Variants in RAB11FIP4 observed in about 807,000 individuals in gnomAD.
The protein encoded by RAB11FIP4 is rab11 family-interacting protein 4.
In RAB11FIP4, 23 loss-of-function variants were observed where a neutral mutation model predicts 74.3. That is an observed-to-expected ratio of 0.31 (90% CI 0.22 to 0.44). The LOEUF (loss-of-function observed/expected upper bound fraction) is 0.44. Among genes scored for constraint, RAB11FIP4 ranks in the 20% least tolerant of loss-of-function variants. RAB11FIP4 has a pLI of 1.00. For missense variants in RAB11FIP4, 630 were observed against 863.9 expected, an observed-to-expected ratio of 0.73 and a Z score of 3.39; for synonymous variants, 360 against 359.9, an observed-to-expected ratio of 1.00 and a Z score of 0.00.
At chr17:31,490,993 G>A (rs938830307) in intron 3 of RAB11FIP4, among the ~76,000 whole-genome samples, 1 of 152,248 alleles carries the variant, frequency 6.6e-6, no homozygotes, top group Non-Finnish European at 1.5e-5. Flanking sequence ...CTTGACTCAG[G>A]AACTGGGCAC....
chr17:31,421,932 C>T (rs149189140), intron 1 of RAB11FIP4, among the ~76,000 whole-genome samples: 2,546 of 152,136 alleles, frequency 0.017, 70 homozygotes, highest in African/African-American at 0.058. Context: ...GTAATCCCAG[C>T]ACTTTGGGAG....
rs191986997 is a variant in RAB11FIP4, at chr17:31,402,872, G to A, written c.159+10861G>A. Among the ~76,000 whole-genome samples, 882 of 151,840 alleles carry A rather than the reference G, an allele frequency of 5.8e-3. 13 individuals are homozygous for A. The highest frequency in any genetic ancestry group is 0.019 in the African/African-American group (803 of 41,346). On this transcript the variant is annotated intron_variant, in intron 1 of 14. Coordinates refer to ENST00000621161, the MANE Select transcript of RAB11FIP4 (RefSeq NM_032932.6). ...GATCTCCTGACCTTGTGATCCACCC[G>A]CCTTGGCCTCCCAAAGTGCTGGGAT... is the stretch of plus-strand genomic sequence containing the variant.
rs2072706559 is a variant in RAB11FIP4, at chr17:31,523,492, C to T, written c.930-20C>T. 4.4e-6 allele frequency: 7 copies of T among 1,608,300 alleles called. No homozygotes were observed. Among genetic ancestry groups the T allele is most frequent in the Non-Finnish European group, 5.1e-6 (6 of 1,174,904 alleles). ...TCTGGAAGGCCCCTGCAGCCAGACA[C>T]CCTCCTCCCACCCCTGCAGGCAGCT... On this transcript the variant is annotated intron_variant, in intron 7 of 14. Coordinates refer to ENST00000621161, the MANE Select transcript of RAB11FIP4 (RefSeq NM_032932.6).
At chr17:31,412,602 A>AG (rs2071108544) in intron 1 of RAB11FIP4, among the ~76,000 whole-genome samples, 1 of 152,216 alleles carries the variant, frequency 6.6e-6, no homozygotes, top group African/African-American at 2.4e-5. Context: ...GTCCCATCAC[A>AG]GGGACCACGG....
At chr17:31,493,982 T>C (rs1371996983) in intron 3 of RAB11FIP4, among the ~76,000 whole-genome samples, 1 of 152,190 alleles carries the variant, frequency 6.6e-6, no homozygotes, top group African/African-American at 2.4e-5. Context: ...TCCACCCCCC[T>C]GCTTTGGGGT....
At chr17:31,431,347 A>G (rs2071307643) in intron 1 of RAB11FIP4, among the ~76,000 whole-genome samples, 1 of 152,240 alleles carries the variant, frequency 6.6e-6, no homozygotes, top group Admixed American at 6.5e-5. Context: ...AGGTACAAAT[A>G]GAACAGAAAA....
chr17:31,474,644 G>A (rs566521145), intron 3 of RAB11FIP4, among the ~76,000 whole-genome samples: 73 of 148,248 alleles, frequency 4.9e-4, no homozygotes, highest in Non-Finnish European at 4.7e-4. Flanking sequence ...ACTCCAGCCT[G>A]GGGGACAGAG....
chr17:31,426,578 CT>C lies in RAB11FIP4; in HGVS notation c.160-5227del, dbSNP rs967027494. ...GTTCTAATAATTTCACACCTGTTTTCTTTTTTTTCTTTTTCTTTTCCTTTTT... is the reference window on the plus strand; with the variant it reads ...GTTCTAATAATTTCACACCTGTTTTCTTTTTTTCTTTTTCTTTTCCTTTTT... On this transcript the variant is annotated intron_variant, in intron 1 of 14. Transcript: ENST00000621161. Among the ~76,000 whole-genome samples, 4 of 141,896 alleles carry C rather than the reference CT, an allele frequency of 2.8e-5. No homozygotes were observed. In the East Asian group the frequency reaches 6.2e-4, roughly 22 times the overall value. 93.1% of individuals were successfully genotyped at this position (141,896 alleles called of 152,430 possible).
chr17:31,443,102 T>A (rs1359543451), intron 3 of RAB11FIP4, among the ~76,000 whole-genome samples: 1 of 152,252 alleles, frequency 6.6e-6, no homozygotes, highest in Non-Finnish European at 1.5e-5. Context: ...TTCAGATCCT[T>A]TAAATTTGAG....
chr17:31,535,348 G>C lies in RAB11FIP4; in HGVS notation c.*3616G>C, dbSNP rs1373642990. On this transcript the variant is annotated 3_prime_UTR_variant, in exon 15 of 15. Transcript: ENST00000621161. ...TTTGGCTGTGCATTGGAATCACCTG[G>C]GGAGATTTGTAAGCTTCTGCTGTCT... The C allele has an allele frequency of 6.6e-6, 1 of 152,174 alleles. No individual in the cohort carries two copies. The highest frequency in any genetic ancestry group is 1.5e-5 in the Non-Finnish European group (1 of 68,034). 9.4% of individuals were successfully genotyped at this position (152,174 alleles called of 1,614,324 possible).
Position 31,528,352 on chromosome 17 carries a change from TAGTG to T in RAB11FIP4, c.1357-51_1357-48del, listed in dbSNP as rs368467154. On this transcript the variant is annotated intron_variant, in intron 11 of 14. Transcript: ENST00000621161. The stretch of plus-strand genomic sequence containing the variant: ...CAGACCCCAGGGACACCCCTGGACA[TAGTG>T]AGCCCCTCTCTGGGAACTCTCCTCC... The T allele has an allele frequency of 7.6e-6, 12 of 1,582,706 alleles. No homozygotes were observed. The East Asian group carries it at 2.0e-4, about 27-fold the overall frequency.
At chr17:31,463,901 C>T (rs2071658274) in intron 3 of RAB11FIP4, among the ~76,000 whole-genome samples, 1 of 145,244 alleles carries the variant, frequency 6.9e-6, no homozygotes, top group African/African-American at 2.6e-5. Context: ...GCAACCTCAG[C>T]CTCCTGGTTC....
At chr17:31,523,155 T>C in intron 7 of RAB11FIP4, 1 of 331,616 alleles carries the variant, frequency 3.0e-6, no homozygotes, top group East Asian at 6.1e-5. Flanking sequence ...GGAGCTGGGC[T>C]ACCTCCTTGG....
At chr17:31,484,703 C>G (rs1051414901) in intron 3 of RAB11FIP4, among the ~76,000 whole-genome samples, 2 of 152,114 alleles carry the variant, frequency 1.3e-5, no homozygotes, top group African/African-American at 4.8e-5. Flanking sequence ...AGTCAGGGTC[C>G]TAAATTTTCC....
chr17:31,455,619 C>T (rs1373917657), intron 3 of RAB11FIP4, among the ~76,000 whole-genome samples: 1 of 129,690 alleles, frequency 7.7e-6, no homozygotes, highest in Admixed American at 8.0e-5. Flanking sequence ...CAAACTAGGT[C>T]TCCTTTGACC....
intron 1 of RAB11FIP4, among the ~76,000 whole-genome samples, chr17:31,418,533 A>G (rs2071169731): frequency 7.1e-6 from 1 of 141,186 alleles, no homozygotes; most frequent in East Asian, 2.1e-4. Context: ...GCACAATCAC[A>G]GTTCACTGCA....
At chr17:31,397,850 C>A (rs1349396305) in intron 1 of RAB11FIP4, among the ~76,000 whole-genome samples, 3 of 151,364 alleles carry the variant, frequency 2.0e-5, no homozygotes, top group Non-Finnish European at 4.4e-5. Context: ...TGGGACTCAT[C>A]CATCTTATCA....
chr17:31,454,377 G>A (rs1413730452), intron 3 of RAB11FIP4, among the ~76,000 whole-genome samples: 10 of 152,104 alleles, frequency 6.6e-5, no homozygotes, highest in South Asian at 2.1e-4. Flanking sequence ...GGGTTCAAGC[G>A]ATTCTCCTGC....
At chr17:31,431,725 T>TCCCA in intron 1 of RAB11FIP4, 88 bp from the exon 2 acceptor site, 1 of 520,776 alleles carries the variant, frequency 1.9e-6, no homozygotes, top group Non-Finnish European at 3.9e-6. Flanking sequence ...CTGGTGTCCC[T>TCCCA]CCCTCCCTCC....
Sources: allele counts gnomAD v4.1 joint callset (sites outside exome capture counted in the v4.1 genomes callset), GRCh38; gene constraint gnomAD v4.1.1; transcripts MANE v1.5; gene names NCBI Gene and HGNC (gene_info 2026-07-23, HGNC 2026-07-21).